Variants in ADGRV1 observed in about 807,000 individuals in gnomAD.
ADGRV1 encodes adhesion G protein-coupled receptor V1.
ADGRV1 carries 359 observed loss-of-function variants against 596.2 expected under a neutral mutation model. That is an observed-to-expected ratio of 0.60 (90% CI 0.55 to 0.66). ADGRV1 has a LOEUF of 0.66. ADGRV1 is among the 30% of genes least tolerant of loss of function. The probability of loss-of-function intolerance (pLI) is 0.00; values close to 1 mark genes in which losing one functional copy is unlikely to be tolerated. For missense variants in ADGRV1, 7,274 were observed against 7,575.6 expected (o/e 0.96, Z 1.48); for synonymous variants, 2,681 against 2,679.2 (o/e 1.00, Z -0.02).
intron 85 of ADGRV1, among the ~76,000 whole-genome samples, chr5:91,057,108 G>C (rs1224181504): frequency 6.6e-6 from 1 of 152,152 alleles, no homozygotes; most frequent in Non-Finnish European, 1.5e-5. Context: ...CACACACCTA[G>C]GTAATAGGCC....
At chr5:90,570,074 A>C (rs1289685829) in intron 1 of ADGRV1, among the ~76,000 whole-genome samples, 3 of 152,090 alleles carry the variant, frequency 2.0e-5, no homozygotes, top group Non-Finnish European at 4.4e-5. Flanking sequence ...GTTACTCTCT[A>C]ATGTTCTTTC....
At chr5:91,085,452 T>G (rs1260920126) in intron 86 of ADGRV1, among the ~76,000 whole-genome samples, 1 of 152,208 alleles carries the variant, frequency 6.6e-6, no homozygotes, top group Non-Finnish European at 1.5e-5. Flanking sequence ...TTGAAACAGA[T>G]TCTACTGCCC....
intron 57 of ADGRV1, among the ~76,000 whole-genome samples, chr5:90,758,944 G>A (rs1756139223): frequency 6.6e-6 from 1 of 152,030 alleles, no homozygotes; most frequent in Admixed American, 6.5e-5. Context: ...TTTAATTGTA[G>A]AAGACTGGTA....
At chr5:90,909,449 G>A (rs573256147) in intron 83 of ADGRV1, among the ~76,000 whole-genome samples, 1 of 152,188 alleles carries the variant, frequency 6.6e-6, no homozygotes, top group East Asian at 1.9e-4. Context: ...CTCTTGGCTG[G>A]TTAGTATAGC....
intron 83 of ADGRV1, among the ~76,000 whole-genome samples, chr5:90,944,004 T>A (rs1185933117): frequency 6.6e-6 from 1 of 152,182 alleles, no homozygotes; most frequent in Non-Finnish European, 1.5e-5. Context: ...TTAAATTATC[T>A]TTATTGTATT....
At position 90,627,455 on chromosome 5, in the gene ADGRV1, C is replaced by G. The variant is rs1190374043; in HGVS notation, c.917C>G (p.Ala306Gly). The G allele has an allele frequency of 1.2e-6, 2 of 1,613,878 alleles. No homozygotes were observed. The highest frequency in any genetic ancestry group is 8.5e-7 in the Non-Finnish European group (1 of 1,179,784). The change falls in exon 7 of 90, where the codon GCT (alanine) becomes GGT (glycine). Residue 306 changes from alanine (A) to glycine (G), a missense_variant. Coordinates refer to ENST00000405460, the MANE Select transcript of ADGRV1 (RefSeq NM_032119.4). ...GAATATGAGGTTTCAATCAGTTATG[C>G]TGTCACAACTGGGAATTCCACAGCA... ...SDEYEVSISY[A>G]VTTGNSTAHA...
At chr5:91,045,880 C>T (rs997305122) in intron 85 of ADGRV1, among the ~76,000 whole-genome samples, 8 of 152,022 alleles carry the variant, frequency 5.3e-5, no homozygotes, top group East Asian at 1.9e-4. Flanking sequence ...ACACCAACAG[C>T]GACCAAGCTG....
chr5:90,935,659 A>G (rs1181618348), intron 83 of ADGRV1, among the ~76,000 whole-genome samples: 1 of 152,212 alleles, frequency 6.6e-6, no homozygotes, highest in East Asian at 1.9e-4. Context: ...GGGCCCCACA[A>G]AATTTATGCC....
intron 70 of ADGRV1, among the ~76,000 whole-genome samples, chr5:90,795,793 G>A (rs1162128477): frequency 6.6e-6 from 1 of 152,218 alleles, no homozygotes; most frequent in African/African-American, 2.4e-5. Flanking sequence ...GAAGCTTCCA[G>A]AGGAAAGAAC....
chr5:91,054,924 T>C (rs1786701575), intron 85 of ADGRV1, among the ~76,000 whole-genome samples: 1 of 152,078 alleles, frequency 6.6e-6, no homozygotes, highest in Non-Finnish European at 1.5e-5. Flanking sequence ...AAAGAACACA[T>C]CCCTGAGTAG....
At chr5:90,929,239 C>CGCCTTG in intron 83 of ADGRV1, 1 of 157,672 alleles carries the variant, frequency 6.3e-6, no homozygotes, top group South Asian at 1.9e-4. Flanking sequence ...GCCTCGCTGC[C>CGCCTTG]GCCTTGCAGG....
intron 1 of ADGRV1, among the ~76,000 whole-genome samples, chr5:90,596,165 G>C (rs1370919487): frequency 1.4e-5 from 2 of 147,500 alleles, no homozygotes; most frequent in African/African-American, 5.1e-5. Flanking sequence ...CGGCGGGGCA[G>C]AGGCGCTCCC....
intron 51 of ADGRV1, 131 bp downstream of exon 51, chr5:90,745,396 G>T: frequency 1.4e-6 from 1 of 729,542 alleles, no homozygotes; most frequent in Non-Finnish European, 2.2e-6. Flanking sequence ...CTGAAATTTG[G>T]TTATTATCCA....
intron 1 of ADGRV1, among the ~76,000 whole-genome samples, chr5:90,578,868 A>T (rs1159287503): frequency 6.6e-6 from 1 of 152,032 alleles, no homozygotes; most frequent in Non-Finnish European, 1.5e-5. Context: ...GAATTTATCC[A>T]TTTCTTCTAG....
intron 85 of ADGRV1, among the ~76,000 whole-genome samples, chr5:91,056,573 T>C (rs1004253082): frequency 6.6e-6 from 1 of 152,156 alleles, no homozygotes; most frequent in Non-Finnish European, 1.5e-5. Flanking sequence ...CTTTTTCACC[T>C]TTCCAATTTG....
In ADGRV1 at chr5:90,745,203, G is replaced by A; in HGVS notation, c.10707G>A (p.Val3569=). The change falls in exon 51 of 90, where the codon GTG becomes GTA. Residue 3569 remains valine, a synonymous_variant. Transcript: ENST00000405460. ...LNSSKNLIAL[V]GAHSHIYELA... The stretch of plus-strand genomic sequence containing the variant: ...CAAGCAAGAATTTAATAGCTCTAGT[G>A]GGAGCTCATTCACATATATATGAGC... 1 of 1,611,976 alleles carries A rather than the reference G, an allele frequency of 6.2e-7. No homozygotes were observed. The highest frequency in any genetic ancestry group is 1.1e-5 in the South Asian group (1 of 91,050).
At chr5:91,005,239 C>A (rs1192185410) in intron 85 of ADGRV1, among the ~76,000 whole-genome samples, 1 of 152,046 alleles carries the variant, frequency 6.6e-6, no homozygotes, top group Non-Finnish European at 1.5e-5. Context: ...AAATTACCTT[C>A]TCTTAACAGA....
intron 86 of ADGRV1, among the ~76,000 whole-genome samples, chr5:91,101,502 T>G (rs557631873): frequency 1.3e-5 from 2 of 152,294 alleles, no homozygotes; most frequent in South Asian, 4.1e-4. Context: ...ACTTGTCACT[T>G]AAATATTAAG....
chr5:90,714,116 T>C (rs1051725733), intron 42 of ADGRV1, among the ~76,000 whole-genome samples: 5 of 152,202 alleles, frequency 3.3e-5, no homozygotes, highest in African/African-American at 1.2e-4. Context: ...TTTCAATGTG[T>C]ACATATACGA....
Sources: allele counts gnomAD v4.1 joint callset (sites outside exome capture counted in the v4.1 genomes callset), GRCh38; gene constraint gnomAD v4.1.1; transcripts MANE v1.5; gene names NCBI Gene and HGNC (gene_info 2026-07-23, HGNC 2026-07-21).